Variants in DIAPH2 observed in about 807,000 individuals in gnomAD.
DIAPH2 encodes protein diaphanous homolog 2.
A neutral mutation model predicts 92.7 loss-of-function variants in DIAPH2; 35 were observed. The ratio of observed to expected loss-of-function variants is 0.38; its 90% CI spans 0.29 to 0.50. DIAPH2 has a LOEUF of 0.50. Ranked by LOEUF, DIAPH2 falls within the 20% of genes least tolerant of loss-of-function variation. The pLI is 0.94. For synonymous variants in DIAPH2, 301 were observed against 280.4 expected (o/e 1.07, Z -0.73); for missense variants, 701 against 819.5 (o/e 0.86, Z 1.77).
At chrX:96,699,959 A>G (rs754252514) in intron 1 of DIAPH2, among the ~76,000 whole-genome samples, 2 of 112,123 alleles carry the variant, frequency 1.8e-5, no homozygotes, top group Admixed American at 9.5e-5. Flanking sequence ...TGATACTTCA[A>G]CAACTTTTGA....
intron 17 of DIAPH2, among the ~76,000 whole-genome samples, chrX:97,022,510 T>C (rs1442275935): frequency 2.7e-5 from 3 of 112,181 alleles, no homozygotes; most frequent in Non-Finnish European, 5.6e-5. Flanking sequence ...TTATTTACAT[T>C]GTTAGCTTTT....
At chrX:97,288,799 G>A (rs1278972099) in intron 23 of DIAPH2, among the ~76,000 whole-genome samples, 1 of 108,902 alleles carries the variant, frequency 9.2e-6, no homozygotes, top group African/African-American at 3.3e-5. Context: ...ACCTTGGAAA[G>A]CCAGCCAATT....
intron 25 of DIAPH2, among the ~76,000 whole-genome samples, chrX:97,391,563 A>T (rs1345943936): frequency 9.0e-6 from 1 of 111,634 alleles, no homozygotes; most frequent in Non-Finnish European, 1.9e-5. Flanking sequence ...AGTTCCCTGG[A>T]TAAAGTAAGT....
At chrX:97,311,797 G>A (rs780412348) in intron 23 of DIAPH2, among the ~76,000 whole-genome samples, 2 of 111,153 alleles carry the variant, frequency 1.8e-5, no homozygotes, top group Non-Finnish European at 3.8e-5. Flanking sequence ...AGGAAAGAAG[G>A]GAATTTGCCT....
At chrX:96,745,850 T>C (rs912706147) in intron 3 of DIAPH2, among the ~76,000 whole-genome samples, 1 of 112,138 alleles carries the variant, frequency 8.9e-6, no homozygotes, top group Non-Finnish European at 1.9e-5. Context: ...AAAGGGACTT[T>C]CTAAGTAATG....
At chrX:97,088,837 T>C (rs1362525195) in intron 19 of DIAPH2, among the ~76,000 whole-genome samples, 1 of 112,058 alleles carries the variant, frequency 8.9e-6, no homozygotes, top group Non-Finnish European at 1.9e-5. Context: ...TAGATGACTT[T>C]GAAATTTCTT....
chrX:97,570,152 A>AGATG (rs2071360957), intron 26 of DIAPH2, among the ~76,000 whole-genome samples: 1 of 87,928 alleles, frequency 1.1e-5, no homozygotes, highest in African/African-American at 4.1e-5. Flanking sequence ...ATAGATAGAT[A>AGATG]GATAGATAGA....
intron 25 of DIAPH2, among the ~76,000 whole-genome samples, chrX:97,409,454 C>T (rs766177283): frequency 5.4e-5 from 6 of 111,221 alleles, no homozygotes; most frequent in South Asian, 3.9e-4. Context: ...CTAGAGTGAT[C>T]GACACAGAAG....
chrX:96,834,742 G>GA lies in DIAPH2; in HGVS notation c.448-46829dup, dbSNP rs745521855. 2.9e-4 allele frequency among the ~76,000 whole-genome samples: 32 copies of GA among 111,177 alleles called. 1 individual carries two copies. In the Admixed American group the frequency reaches 3.1e-3, roughly 11 times the overall value. ...TAACTTGTAAGGAAGGGATTTATGA[G>GA]AAAAAAAATGTTAGCGGGGCCAAAC... On this transcript the variant is annotated intron_variant, in intron 4 of 26. Transcript: ENST00000324765.
intron 17 of DIAPH2, among the ~76,000 whole-genome samples, chrX:97,037,140 G>C (rs1467991631): frequency 9.0e-6 from 1 of 111,189 alleles, no homozygotes; most frequent in Admixed American, 9.6e-5. Context: ...ATTTAATTTA[G>C]TAATATATTA....
chrX:97,194,262 T>C (rs778134904), intron 22 of DIAPH2, among the ~76,000 whole-genome samples: 1 of 110,816 alleles, frequency 9.0e-6, no homozygotes, highest in East Asian at 2.8e-4. Context: ...AAACATCCCA[T>C]TTCCATTTTA....
intron 22 of DIAPH2, among the ~76,000 whole-genome samples, chrX:97,243,492 A>AG (rs386417286): frequency 2.8e-4 from 25 of 89,342 alleles, no homozygotes; most frequent in African/African-American, 1.8e-3. Flanking sequence ...TAATTCCCCC[A>AG]TGCAAAGATA....
chrX:96,981,481 A>T (rs2065997267), intron 17 of DIAPH2, among the ~76,000 whole-genome samples: 1 of 112,425 alleles, frequency 8.9e-6, no homozygotes, highest in African/African-American at 3.2e-5. Context: ...AATATATATC[A>T]CAGATTCAAA....
chrX:97,018,968 T>G, intron 17 of DIAPH2, among the ~76,000 whole-genome samples: 1 of 111,732 alleles, frequency 8.9e-6, no homozygotes, highest in Non-Finnish European at 1.9e-5. Context: ...CTTCATGGTT[T>G]TGCCTAAATC....
chrX:97,284,564 C>T (rs775012966), intron 23 of DIAPH2, among the ~76,000 whole-genome samples: 4 of 106,368 alleles, frequency 3.8e-5, no homozygotes, highest in East Asian at 3.0e-4. Context: ...GAGCCGAGAT[C>T]GCGCCATTGT....
chrX:97,201,141 C>CCAA (rs1556000971), intron 22 of DIAPH2, among the ~76,000 whole-genome samples: 1 of 92,251 alleles, frequency 1.1e-5, no homozygotes, highest in Non-Finnish European at 2.1e-5. Flanking sequence ...ACCCCCCCCC[C>CCAA]AAAAAAAACC....
In DIAPH2 at chrX:96,783,401, G is replaced by A. The variant is rs190755074; in HGVS notation, c.447+25143G>A. Among the ~76,000 whole-genome samples the A allele has an allele frequency of 7.6e-3, 855 of 112,366 alleles. 4 individuals carry two copies. Among genetic ancestry groups the A allele is most frequent in the Middle Eastern group, 0.014 (3 of 218 alleles). ...CTAAGAGACCAAGAAGGAAGAGAGT[G>A]AACATGATCGTTCATAGTGGTAACA... On this transcript the variant is annotated intron_variant, in intron 4 of 26. Transcript: ENST00000324765.
intron 17 of DIAPH2, among the ~76,000 whole-genome samples, chrX:96,982,581 C>T (rs1465400183): frequency 8.9e-6 from 1 of 111,856 alleles, no homozygotes; most frequent in African/African-American, 3.2e-5. Flanking sequence ...TGATTAGGTA[C>T]CTTTTGTTCT....
intron 26 of DIAPH2, among the ~76,000 whole-genome samples, chrX:97,546,047 G>A (rs1245343719): frequency 4.5e-5 from 5 of 110,693 alleles, no homozygotes; most frequent in Non-Finnish European, 9.5e-5. Context: ...CAATCTATAT[G>A]ACTAAGTCTA....
Sources: gnomAD v4.1 joint callset for allele counts (sites outside exome capture counted in the v4.1 genomes callset) on GRCh38, gnomAD v4.1.1 for gene constraint, MANE v1.5 for transcripts, NCBI Gene and HGNC (gene_info 2026-07-23, HGNC 2026-07-21) for gene names.